HOMER2: variants seen among roughly 807,000 people sequenced by gnomAD.
HOMER2 encodes the protein homer protein homolog 2.
HOMER2 carries 27 observed loss-of-function variants against 47.0 expected under a neutral mutation model. The observed-to-expected ratio is 0.57, with a 90% CI of 0.42 to 0.79. The LOEUF (loss-of-function observed/expected upper bound fraction) is 0.79, where lower values mean the gene tolerates loss of function less well. Among genes scored for constraint, HOMER2 ranks in the 30% least tolerant of loss-of-function variants. HOMER2 has a pLI of 0.00. For missense variants in HOMER2, 443 were observed against 435.0 expected, an observed-to-expected ratio of 1.02 and a Z score of -0.16; for synonymous variants, 161 against 163.8, an observed-to-expected ratio of 0.98 and a Z score of 0.13.
rs139210252 is a variant in HOMER2, at chr15:82,983,979, C to T, written n.82+1808G>A. ...ATTTACTATTTAGCGCACTATAGCGCGCTAACCAATTGCACTACTGGAGCT... is the reference window on the plus strand; with the variant it reads ...ATTTACTATTTAGCGCACTATAGCGTGCTAACCAATTGCACTACTGGAGCT... On this transcript the variant is annotated intron_variant and non_coding_transcript_variant, in intron 1 of 1. Transcript: ENST00000500334. Among the ~76,000 whole-genome samples, 730 of 152,012 alleles carry T rather than the reference C, an allele frequency of 4.8e-3. 5 individuals are homozygous for T. The highest frequency in any genetic ancestry group is 0.013 in the African/African-American group (521 of 41,460).
At chr15:82,967,208 C>T (rs2054682200) in intron 1 of HOMER2, among the ~76,000 whole-genome samples, 1 of 151,928 alleles carries the variant, frequency 6.6e-6, no homozygotes, top group East Asian at 1.9e-4. Context: ...CTATGACTGC[C>T]CCACTCCACT....
intron 3 of HOMER2, among the ~76,000 whole-genome samples, chr15:82,872,110 C>G (rs746951964): frequency 6.6e-6 from 1 of 152,204 alleles, no homozygotes; most frequent in Middle Eastern, 3.4e-3. Flanking sequence ...AGGGGCCACT[C>G]GGCTGAGGGG....
intron 3 of HOMER2, among the ~76,000 whole-genome samples, chr15:82,869,411 T>A (rs2052102479): frequency 6.6e-6 from 1 of 150,944 alleles, no homozygotes; most frequent in South Asian, 2.1e-4. Flanking sequence ...AATATGATAT[T>A]AATACTTCCA....
chr15:82,864,382 T>G, intron 3 of HOMER2, 123 bp from the exon 4 acceptor site: 1 of 600,632 alleles, frequency 1.7e-6, no homozygotes, highest in South Asian at 2.3e-5. Flanking sequence ...TCCAGAAGAA[T>G]TTTATTTGCT....
In HOMER2 at chr15:82,854,673, G is replaced by A. The variant is rs764829390; in HGVS notation, c.622C>T (p.Arg208Cys). ...TTGCGGAGCCGGTCATTCTCATCAC[G>A]GCAGATGGAGAACTGCCTCTTCCAC... is the stretch of plus-strand genomic sequence containing the variant. ...EQWKRQFSIC[R>C]DENDRLRNKI... Residue 208 changes from arginine to cysteine, a missense_variant, in exon 6 of 9, where the codon CGT becomes TGT. Coordinates refer to ENST00000450735, the MANE Select transcript of HOMER2 (RefSeq NM_004839.4). 25 of 1,612,826 alleles carry A rather than the reference G, an allele frequency of 1.6e-5. No homozygotes were observed. Among genetic ancestry groups the A allele is most frequent in the Admixed American group, 6.7e-5 (4 of 59,974 alleles).
At chr15:82,946,821 G>A (rs1034298770) in intron 1 of HOMER2, among the ~76,000 whole-genome samples, 2 of 151,916 alleles carry the variant, frequency 1.3e-5, no homozygotes, top group African/African-American at 2.4e-5. Flanking sequence ...CTTCCAGTTC[G>A]GATACTAAGA....
In HOMER2 at chr15:82,854,335, A is replaced by AC. The variant is rs1447221484; in HGVS notation, c.651+308dup. On this transcript the variant is annotated intron_variant, in intron 6 of 8. Transcript: ENST00000450735. ...CAAGAGAATCACTTGAACCTGGGAGACAGGAGGCTGCAGTGCACTGAGATC... is the reference window on the plus strand; with the variant it reads ...CAAGAGAATCACTTGAACCTGGGAGACCAGGAGGCTGCAGTGCACTGAGATC... 3.3e-5 allele frequency among the ~76,000 whole-genome samples: 5 copies of AC among 152,246 alleles called. No individual in the cohort carries two copies. The East Asian group carries it at 9.7e-4, about 29-fold the overall frequency.
chr15:82,836,934 C>A (rs75286620), downstream of HOMER2: 1 of 152,352 alleles, frequency 6.6e-6, no homozygotes, highest in Non-Finnish European at 1.5e-5. Flanking sequence ...AACAAATCAC[C>A]ACAAAAGTAG....
At chr15:82,940,491 C>A (rs1241830431) in intron 1 of HOMER2, among the ~76,000 whole-genome samples, 1 of 152,220 alleles carries the variant, frequency 6.6e-6, no homozygotes, top group Non-Finnish European at 1.5e-5. Flanking sequence ...CGCCTGTAAT[C>A]CCAGCACTTT....
chr15:82,882,245 C>CCCTGCCCCTG (rs3837694), intron 2 of HOMER2, among the ~76,000 whole-genome samples: 86,670 of 151,642 alleles, frequency 0.57, 24,998 homozygotes, highest in East Asian at 0.83. Context: ...TTGGCAGTGA[C>CCCTGCCCCTG]CCTGCTGTCC....
chr15:82,942,998 A>C (rs1399131426), intron 1 of HOMER2, among the ~76,000 whole-genome samples: 9 of 152,294 alleles, frequency 5.9e-5, no homozygotes, highest in Admixed American at 5.9e-4. Flanking sequence ...AGAGTGCCCA[A>C]GGGGATTAAG....
At chr15:82,924,423 G>T (rs1358800347) in intron 1 of HOMER2, among the ~76,000 whole-genome samples, 1 of 150,776 alleles carries the variant, frequency 6.6e-6, no homozygotes, top group African/African-American at 2.4e-5. Flanking sequence ...CATGCACCAG[G>T]GACATGTCAC....
intron 2 of HOMER2, among the ~76,000 whole-genome samples, chr15:82,889,493 A>C (rs2052642232): frequency 6.6e-6 from 1 of 152,232 alleles, no homozygotes; most frequent in Non-Finnish European, 1.5e-5. Context: ...AGGGCAACAG[A>C]CAAGAGCCCA....
At chr15:82,852,441 T>C (rs1258179943) in intron 6 of HOMER2, 189 bp from the exon 7 acceptor site, 1 of 544,808 alleles carries the variant, frequency 1.8e-6, no homozygotes, top group Non-Finnish European at 3.2e-6. Context: ...ACCGCTTGCA[T>C]GGGACCTGCT....
intron 1 of HOMER2, among the ~76,000 whole-genome samples, chr15:82,962,400 G>T (rs1210453783): frequency 6.6e-6 from 1 of 151,376 alleles, no homozygotes; most frequent in African/African-American, 2.4e-5. Flanking sequence ...CCAGAGGCCG[G>T]GCATGGTGGC....
rs10678643 is a variant in HOMER2 at position 82,868,541 on chromosome 15, A to ATTT, written c.295-4285_295-4283dup. On this transcript the variant is annotated intron_variant, in intron 3 of 8. Coordinates refer to ENST00000450735, the MANE Select transcript of HOMER2 (RefSeq NM_004839.4). ...ATTTATTTTATATATATATATATAT[A>ATTT]TTTTTTTTTTTTTTTTTCCCCTTTT... Among the ~76,000 whole-genome samples the ATTT allele has an allele frequency of 1.7e-4, 12 of 71,288 alleles. 1 individual carries two copies. Among genetic ancestry groups the ATTT allele is most frequent in the African/African-American group, 5.5e-4 (11 of 19,982 alleles). The allele number at this position is 71,288 out of a possible 152,430, so 46.8% of individuals were successfully genotyped here.
intron 1 of HOMER2, among the ~76,000 whole-genome samples, chr15:82,976,678 GTT>G (rs11422973): frequency 8.0e-6 from 1 of 125,196 alleles, no homozygotes. Context: ...TTTGTGTGTG[GTT>G]TTTTTTTTTT....
At chr15:82,836,952 A>G (rs2051134142) in exon 2 of HOMER2, 1 of 152,292 alleles carries the variant, frequency 6.6e-6, no homozygotes, top group Non-Finnish European at 1.5e-5. Context: ...TAGCTGCTTA[A>G]AAGACAAATT....
intron 2 of HOMER2, among the ~76,000 whole-genome samples, chr15:82,881,784 T>C (rs2052529111): frequency 6.6e-6 from 1 of 152,062 alleles, no homozygotes; most frequent in South Asian, 2.1e-4. Flanking sequence ...ACACAACAGG[T>C]GTGGCTAAAT....
Sources: allele counts gnomAD v4.1 joint callset (sites outside exome capture counted in the v4.1 genomes callset), GRCh38; gene constraint gnomAD v4.1.1; transcripts MANE v1.5; gene names NCBI Gene and HGNC (gene_info 2026-07-23, HGNC 2026-07-21).